Variants in LCOR observed in about 807,000 individuals in gnomAD.
The protein encoded by LCOR is ligand-dependent corepressor.
A neutral mutation model predicts 64.4 loss-of-function variants in LCOR; 14 were observed. That is an observed-to-expected ratio of 0.22 (90% CI 0.14 to 0.34). LCOR has a LOEUF of 0.34. Ranked by LOEUF, LCOR falls within the 10% of genes least tolerant of loss-of-function variation. LCOR has a pLI of 1.00. For missense variants in LCOR, 1,686 were observed against 1,765.3 expected (o/e 0.96, Z 0.80); for synonymous variants, 643 against 642.5 (o/e 1.00, Z -0.01).
At chr10:96,920,755 C>CACACAA (rs1847063167) in intron 4 of LCOR, among the ~76,000 whole-genome samples, 1 of 109,352 alleles carries the variant, frequency 9.1e-6, no homozygotes, top group Non-Finnish European at 1.7e-5. Flanking sequence ...TATGTATACA[C>CACACAA]ACACACACAC....
chr10:96,984,755 C>T lies in LCOR; in HGVS notation c.4295C>T (p.Pro1432Leu), dbSNP rs1434407066. Residue 1432 changes from proline (P) to leucine (L), a missense_variant, in exon 8 of 8, where the codon CCT (proline) becomes CTT (leucine). Physicochemically the swap from Pro to Leu is moderately conservative, Grantham distance 98. Coordinates refer to ENST00000421806, the MANE Select transcript of LCOR (RefSeq NM_001346516.2). ...CATGCTGATGGAGCCACCAAAACCC[C>T]TGCTGCCAAGAGGCCAGCTGCAAGG... ...EKHADGATKT[P>L]AAKRPAARDR... 2 of 1,613,672 alleles carry T rather than the reference C, an allele frequency of 1.2e-6. No individual in the cohort carries two copies. Among genetic ancestry groups the T allele is most frequent in the Admixed American group, 3.3e-5 (2 of 59,926 alleles).
chr10:96,970,292 G>A (rs998684706), intron 7 of LCOR, among the ~76,000 whole-genome samples: 2 of 152,080 alleles, frequency 1.3e-5, no homozygotes, highest in Admixed American at 1.3e-4. Context: ...TAGCTACTCT[G>A]GAGGCTGAGG....
intron 4 of LCOR, among the ~76,000 whole-genome samples, chr10:96,912,602 T>C (rs1846859363): frequency 7.0e-6 from 1 of 143,706 alleles, no homozygotes; most frequent in African/African-American, 2.8e-5. Flanking sequence ...CTTCCTTTCT[T>C]CCTTTCTTCC....
intron 7 of LCOR, among the ~76,000 whole-genome samples, chr10:96,967,422 G>A (rs746908244): frequency 1.6e-4 from 25 of 152,168 alleles, no homozygotes; most frequent in Non-Finnish European, 2.5e-4. Flanking sequence ...ATGAGCCACC[G>A]CACTTTGCCT....
At chr10:96,962,844 G>A (rs1221998462) in intron 7 of LCOR, 2 of 152,142 alleles carry the variant, frequency 1.3e-5, no homozygotes, top group Non-Finnish European at 2.9e-5. Context: ...TCAGACATTG[G>A]TATTTTATCA....
rs1345493310 is a variant in LCOR at position 96,991,912 on chromosome 10, T to C, written c.*6778T>C. 6.6e-6 allele frequency: 1 copy of C among 151,716 alleles called. No homozygotes were observed. The highest frequency in any genetic ancestry group is 2.4e-5 in the African/African-American group (1 of 40,962). The allele number at this position is 151,716 out of a possible 1,614,324, so 9.4% of individuals were successfully genotyped here. On this transcript the variant is annotated 3_prime_UTR_variant, in exon 8 of 8. Coordinates refer to ENST00000421806, the MANE Select transcript of LCOR (RefSeq NM_001346516.2). ...GGCCCTGAACACAAATTTGTCACAT[T>C]GGAAGCATTTTTCTCTCAAAACTCT... is the stretch of plus-strand genomic sequence containing the variant.
At chr10:96,878,190 A>G (rs1251753164) in intron 2 of LCOR, among the ~76,000 whole-genome samples, 3 of 152,226 alleles carry the variant, frequency 2.0e-5, no homozygotes, top group Non-Finnish European at 4.4e-5. Flanking sequence ...CAAAATCAGC[A>G]GCATTGTAGG....
At chr10:96,869,230 G>C (rs1295857960) in intron 2 of LCOR, among the ~76,000 whole-genome samples, 1 of 151,890 alleles carries the variant, frequency 6.6e-6, no homozygotes, top group Non-Finnish European at 1.5e-5. Flanking sequence ...GTTTTGGCGG[G>C]GGGTCAGAGT....
rs573431381 is a variant in LCOR, at chr10:96,876,285, G to A, written c.-329-30980G>A. 2.6e-5 allele frequency among the ~76,000 whole-genome samples: 4 copies of A among 152,206 alleles called. No homozygotes were observed. The East Asian group carries it at 7.7e-4, about 29-fold the overall frequency. On this transcript the variant is annotated intron_variant, in intron 2 of 7. Coordinates refer to ENST00000421806, the MANE Select transcript of LCOR (RefSeq NM_001346516.2). ...CAGGTCTGTCTTCCCCTTCTTAAAA[G>A]CCCCTATTCCCATCATGGGGACCCC...
intron 7 of LCOR, chr10:96,956,182 C>G: frequency 1.6e-6 from 2 of 1,224,524 alleles, no homozygotes; most frequent in Non-Finnish European, 2.0e-6. Context: ...TCACAGAGAA[C>G]AGATACATGG....
At chr10:96,971,122 T>G (rs1366763217) in intron 7 of LCOR, among the ~76,000 whole-genome samples, 1 of 152,186 alleles carries the variant, frequency 6.6e-6, no homozygotes, top group Non-Finnish European at 1.5e-5. Context: ...TGTAAACCAT[T>G]TCATCCCAGT....
intron 2 of LCOR, among the ~76,000 whole-genome samples, chr10:96,896,002 A>G (rs555111080): frequency 8.5e-4 from 129 of 151,992 alleles, no homozygotes; most frequent in Non-Finnish European, 1.5e-3. Flanking sequence ...GGATTGCTTG[A>G]CCCCAGGAGT....
chr10:96,939,051 A>T (rs1847402110), intron 4 of LCOR, among the ~76,000 whole-genome samples: 1 of 152,260 alleles, frequency 6.6e-6, no homozygotes, highest in Admixed American at 6.5e-5. Flanking sequence ...CAAATAGTCT[A>T]AACAGTCTTG....
At chr10:96,958,481 T>A in intron 7 of LCOR, 1 of 898,692 alleles carries the variant, frequency 1.1e-6, no homozygotes. Flanking sequence ...AGAACTTGTA[T>A]TGTGTCATTT....
chr10:96,877,044 C>A (rs1846179622), intron 2 of LCOR, among the ~76,000 whole-genome samples: 1 of 152,098 alleles, frequency 6.6e-6, no homozygotes. Flanking sequence ...CAAGGACTTG[C>A]AAATTTAAAC....
At chr10:96,911,247 A>G (rs1846829154) in intron 4 of LCOR, among the ~76,000 whole-genome samples, 3 of 151,790 alleles carry the variant, frequency 2.0e-5, no homozygotes, top group Admixed American at 2.0e-4. Flanking sequence ...ACAGGCGTGC[A>G]CCAACACGCC....
At chr10:96,946,100 A>T (rs1258966683) in intron 5 of LCOR, among the ~76,000 whole-genome samples, 2 of 151,886 alleles carry the variant, frequency 1.3e-5, no homozygotes, top group East Asian at 3.9e-4. Context: ...GTTCCTTTGG[A>T]ATTTGGACAT....
rs115881569 is a variant in LCOR, at chr10:96,900,455, T to G, written c.-329-6810T>G. 4.9e-3 allele frequency among the ~76,000 whole-genome samples: 746 copies of G among 151,556 alleles called. 11 individuals carry two copies. The highest frequency in any genetic ancestry group is 0.017 in the African/African-American group (712 of 41,322). On this transcript the variant is annotated intron_variant, in intron 2 of 7. Transcript: ENST00000421806. ...AAAGAAATGGATAATTGAAAAAAATTAAAGCAAAATTTAATGAAATCAATG... is the reference window on the plus strand; with the variant it reads ...AAAGAAATGGATAATTGAAAAAAATGAAAGCAAAATTTAATGAAATCAATG...
intron 2 of LCOR, among the ~76,000 whole-genome samples, chr10:96,899,605 A>G (rs1846598989): frequency 6.6e-6 from 1 of 152,084 alleles, no homozygotes; most frequent in Admixed American, 6.5e-5. Context: ...TAACTTCTTA[A>G]AACATTTAAA....
Sources: gnomAD v4.1 joint callset for allele counts (sites outside exome capture counted in the v4.1 genomes callset) on GRCh38, gnomAD v4.1.1 for gene constraint, MANE v1.5 for transcripts, NCBI Gene and HGNC (gene_info 2026-07-23, HGNC 2026-07-21) for gene names.